Variants in CNTN5 observed in about 807,000 individuals in gnomAD.
CNTN5 encodes the protein contactin-5.
CNTN5 carries 77 observed loss-of-function variants against 129.1 expected under a neutral mutation model. That is an observed-to-expected ratio of 0.60 (90% CI 0.50 to 0.72). The LOEUF (loss-of-function observed/expected upper bound fraction) is 0.72, where lower values mean the gene tolerates loss of function less well. Ranked by LOEUF, CNTN5 falls within the 30% of genes least tolerant of loss-of-function variation. CNTN5 has a pLI of 0.00. For synonymous variants in CNTN5, 509 were observed against 465.6 expected (o/e 1.09, Z -1.20); for missense variants, 1,478 against 1,328.8 (o/e 1.11, Z -1.75).
chr11:99,219,285 T>C (rs753185998), intron 1 of CNTN5, among the ~76,000 whole-genome samples: 26 of 151,850 alleles, frequency 1.7e-4, no homozygotes, highest in Non-Finnish European at 2.9e-4. Context: ...TAGTATACTA[T>C]ATAAAGGTAA....
At chr11:100,308,587 T>A in intron 21 of CNTN5, 119 bp downstream of exon 21, 1 of 1,417,644 alleles carries the variant, frequency 7.1e-7, no homozygotes. Flanking sequence ...TTTTGCTCTA[T>A]GTTAAAGAAA....
At chr11:99,929,561 G>A (rs1489186567) in intron 7 of CNTN5, among the ~76,000 whole-genome samples, 1 of 152,184 alleles carries the variant, frequency 6.6e-6, no homozygotes, top group Non-Finnish European at 1.5e-5. Flanking sequence ...CATGGTGGAA[G>A]GGGAAGGAAA....
chr11:100,028,155 G>C (rs1028811134), intron 9 of CNTN5, among the ~76,000 whole-genome samples: 3 of 151,894 alleles, frequency 2.0e-5, no homozygotes, highest in African/African-American at 7.3e-5. Flanking sequence ...AACAGAAACA[G>C]TAAAAAGCTA....
intron 3 of CNTN5, among the ~76,000 whole-genome samples, chr11:99,612,612 G>C (rs1296983229): frequency 6.6e-6 from 1 of 152,050 alleles, no homozygotes; most frequent in Non-Finnish European, 1.5e-5. Context: ...AACAACGTAG[G>C]AGCCTGAGCT....
chr11:99,407,908 T>C (rs760110422), intron 2 of CNTN5, among the ~76,000 whole-genome samples: 1 of 152,128 alleles, frequency 6.6e-6, no homozygotes, highest in African/African-American at 2.4e-5. Flanking sequence ...ACAAAAATAC[T>C]CTCTGCATCA....
At chr11:100,089,826 A>G (rs545873854) in intron 13 of CNTN5, among the ~76,000 whole-genome samples, 4 of 152,248 alleles carry the variant, frequency 2.6e-5, no homozygotes, top group African/African-American at 7.2e-5. Context: ...GTTCTCACTT[A>G]TAAGTGGGAG....
intron 1 of CNTN5, among the ~76,000 whole-genome samples, chr11:99,271,571 G>A (rs1268944238): frequency 6.6e-6 from 1 of 151,724 alleles, no homozygotes; most frequent in African/African-American, 2.4e-5. Context: ...ATTTTCTGTG[G>A]GTTAAGAGTC....
At chr11:99,181,226 G>A (rs1360261551) in intron 1 of CNTN5, among the ~76,000 whole-genome samples, 3 of 152,114 alleles carry the variant, frequency 2.0e-5, no homozygotes, top group Non-Finnish European at 1.5e-5. Context: ...GCATCTCCCC[G>A]TCCAAGTGGG....
rs552610021 is a variant in CNTN5, at chr11:100,140,846, T to A, written c.1581-50280T>A. Among the ~76,000 whole-genome samples, 12 of 152,284 alleles carry A rather than the reference T, an allele frequency of 7.9e-5. No homozygotes were observed. In the South Asian group the frequency reaches 1.4e-3, roughly 18 times the overall value. ...TAACACAAAGTGTCAGTTGGGGCTATGACCTGGTGATGTAAGAGTCAAAGT... is the reference window on the plus strand; with the variant it reads ...TAACACAAAGTGTCAGTTGGGGCTAAGACCTGGTGATGTAAGAGTCAAAGT... On this transcript the variant is annotated intron_variant, in intron 13 of 24. Transcript: ENST00000524871.
At chr11:100,044,504 C>A (rs74670893) in intron 9 of CNTN5, among the ~76,000 whole-genome samples, 4 of 136,400 alleles carry the variant, frequency 2.9e-5, no homozygotes, top group Admixed American at 2.9e-4. Context: ...TTTTTTTTTT[C>A]TTTTTAATAG....
At chr11:99,750,228 C>A (rs1215346933) in intron 3 of CNTN5, among the ~76,000 whole-genome samples, 1 of 152,016 alleles carries the variant, frequency 6.6e-6, no homozygotes, top group Non-Finnish European at 1.5e-5. Flanking sequence ...GTTTTTCTCT[C>A]TATATTTCAT....
intron 1 of CNTN5, among the ~76,000 whole-genome samples, chr11:99,084,738 G>GA (rs554488416): frequency 6.6e-6 from 1 of 151,980 alleles, no homozygotes; most frequent in African/African-American, 2.4e-5. Flanking sequence ...TAAAGTGTGG[G>GA]AAAAAAAGTG....
At chr11:99,773,486 C>A (rs920908010) in intron 3 of CNTN5, among the ~76,000 whole-genome samples, 74 of 152,000 alleles carry the variant, frequency 4.9e-4, no homozygotes, top group African/African-American at 1.7e-3. Flanking sequence ...GTCATTTGTA[C>A]TGTGTATGTA....
At chr11:99,831,633 T>A (rs1341215338) in intron 4 of CNTN5, among the ~76,000 whole-genome samples, 1 of 152,002 alleles carries the variant, frequency 6.6e-6, no homozygotes, top group Non-Finnish European at 1.5e-5. Flanking sequence ...TTGGTGCAAA[T>A]TTGGCTTAAG....
chr11:99,935,220 T>C (rs1032108250), intron 7 of CNTN5, among the ~76,000 whole-genome samples: 44 of 151,594 alleles, frequency 2.9e-4, no homozygotes, highest in African/African-American at 9.9e-4. Flanking sequence ...TCAACCAGGG[T>C]TCCAAAAGAA....
intron 2 of CNTN5, among the ~76,000 whole-genome samples, chr11:99,404,583 A>G (rs1192442927): frequency 4.6e-5 from 7 of 152,098 alleles, no homozygotes; most frequent in Admixed American, 4.6e-4. Context: ...CCATTATTTA[A>G]GTTAATAACA....
chr11:99,731,843 A>C (rs1943545217), intron 3 of CNTN5, among the ~76,000 whole-genome samples: 1 of 152,182 alleles, frequency 6.6e-6, no homozygotes, highest in Non-Finnish European at 1.5e-5. Context: ...CACTTCTCCC[A>C]CATTCTGTTG....
At chr11:99,213,205 A>G (rs1260736777) in intron 1 of CNTN5, among the ~76,000 whole-genome samples, 1 of 115,548 alleles carries the variant, frequency 8.7e-6, no homozygotes, top group Non-Finnish European at 1.9e-5. Flanking sequence ...AAAATTATAT[A>G]TATATATGTG....
At chr11:99,832,495 A>C (rs185976521) in intron 4 of CNTN5, among the ~76,000 whole-genome samples, 1 of 152,208 alleles carries the variant, frequency 6.6e-6, no homozygotes, top group African/African-American at 2.4e-5. Context: ...ACATTCATCA[A>C]TATGCTTGTT....
Sources: gnomAD v4.1 joint callset for allele counts (sites outside exome capture counted in the v4.1 genomes callset) on GRCh38, gnomAD v4.1.1 for gene constraint, MANE v1.5 for transcripts, NCBI Gene and HGNC (gene_info 2026-07-23, HGNC 2026-07-21) for gene names.